Variants in COL11A1 observed in about 807,000 individuals in gnomAD.
COL11A1 encodes the protein collagen type XI alpha 1 chain.
COL11A1 carries 74 observed loss-of-function variants against 265.2 expected under a neutral mutation model. That is an observed-to-expected ratio of 0.28 (90% CI 0.23 to 0.34). COL11A1 has a LOEUF of 0.34. Ranked by LOEUF, COL11A1 falls within the 10% of genes least tolerant of loss-of-function variation. The pLI, the probability that COL11A1 is intolerant of heterozygous loss-of-function variation, is 1.00. For synonymous variants in COL11A1, 816 were observed against 727.6 expected (o/e 1.12, Z -1.96); for missense variants, 2,165 against 2,263.6 (o/e 0.96, Z 0.88).
intron 2 of COL11A1, among the ~76,000 whole-genome samples, chr1:103,079,128 A>G (rs1264088251): frequency 6.6e-6 from 1 of 152,136 alleles, no homozygotes; most frequent in Non-Finnish European, 1.5e-5. Context: ...AATTTGGTTT[A>G]GGCAACAGGA....
intron 4 of COL11A1, among the ~76,000 whole-genome samples, chr1:103,044,722 T>G (rs1219628108): frequency 1.3e-5 from 2 of 152,150 alleles, no homozygotes; most frequent in Non-Finnish European, 2.9e-5. Context: ...ATATATTTAT[T>G]CATTCACTAA....
intron 30 of COL11A1, among the ~76,000 whole-genome samples, chr1:102,985,437 A>G (rs997402735): frequency 1.3e-5 from 2 of 152,110 alleles, no homozygotes; most frequent in African/African-American, 4.8e-5. Flanking sequence ...CCTAAGAAGC[A>G]TACTTATAAT....
intron 49 of COL11A1, 116 bp downstream of exon 49, chr1:102,920,195 T>C: frequency 1.0e-6 from 1 of 957,560 alleles, no homozygotes; most frequent in Non-Finnish European, 1.7e-6. Flanking sequence ...ATGTGAATCA[T>C]ATAACTATGT....
chr1:102,954,355 A>C (rs374430724), intron 41 of COL11A1, among the ~76,000 whole-genome samples: 93 of 150,534 alleles, frequency 6.2e-4, no homozygotes, highest in African/African-American at 2.3e-3. Flanking sequence ...ATGTTTTATC[A>C]GTTATTTTCA....
intron 7 of COL11A1, 68 bp from the exon 8 acceptor site, chr1:103,023,064 T>A: frequency 6.5e-7 from 1 of 1,536,680 alleles, no homozygotes; most frequent in Non-Finnish European, 8.9e-7. Context: ...GGTAAGCATT[T>A]AAATTACAAT....
intron 4 of COL11A1, among the ~76,000 whole-genome samples, chr1:103,038,713 T>C (rs764994621): frequency 2.0e-5 from 3 of 152,136 alleles, no homozygotes; most frequent in Non-Finnish European, 4.4e-5. Context: ...AAAATCACTT[T>C]GACAGCAAAA....
intron 4 of COL11A1, among the ~76,000 whole-genome samples, chr1:103,058,355 A>T (rs968538760): frequency 6.6e-6 from 1 of 152,086 alleles, no homozygotes; most frequent in Non-Finnish European, 1.5e-5. Context: ...CTATTAGACT[A>T]CTCAAACTTT....
chr1:103,018,717 A>T, intron 10 of COL11A1, 101 bp downstream of exon 10: 1 of 944,992 alleles, frequency 1.1e-6, no homozygotes, highest in Admixed American at 2.1e-5. Flanking sequence ...TCTATAATTC[A>T]ATATTCTAAT....
rs1249670089 is a variant in COL11A1, at chr1:103,004,677, A to C, written c.1846-16T>G. The C allele has an allele frequency of 3.7e-6, 6 of 1,602,028 alleles. No homozygotes were observed. The highest frequency in any genetic ancestry group is 5.1e-6 in the Non-Finnish European group (6 of 1,171,846). Reference sequence around the variant, plus strand: ...CTCGTTCACCCTGTTAAATCAATACAAATAAGATTAGCATATGGAAAGAAG... The same window carrying C: ...CTCGTTCACCCTGTTAAATCAATACCAATAAGATTAGCATATGGAAAGAAG... On this transcript the variant is annotated splice_polypyrimidine_tract_variant and intron_variant, in intron 18 of 66. Coordinates refer to ENST00000370096, the MANE Select transcript of COL11A1 (RefSeq NM_001854.4).
At position 102,998,349 on chromosome 1, in the gene COL11A1, T is replaced by TA. The variant is rs1274185001; in HGVS notation, c.2156_2157insT (p.Lys719AsnfsTer11). 1 of 1,604,130 alleles carries TA rather than the reference T, an allele frequency of 6.2e-7. No homozygotes were observed. Among genetic ancestry groups the TA allele is most frequent in the Admixed American group, 1.7e-5 (1 of 59,634 alleles). ...CACCAGGAAGTCCAGCAAGTCCTGG[T>TA]TTTCCTTGTGGTCCCTTATAGAGAA... On this transcript the variant is annotated frameshift_variant, in exon 25 of 67. Coordinates refer to ENST00000370096, the MANE Select transcript of COL11A1 (RefSeq NM_001854.4). LOFTEE classifies it high-confidence loss of function.
chr1:103,080,933 G>T (rs942956842), intron 2 of COL11A1, among the ~76,000 whole-genome samples: 5 of 151,732 alleles, frequency 3.3e-5, no homozygotes, highest in Non-Finnish European at 5.9e-5. Context: ...AGGGATATCT[G>T]CAGTCCAATA....
At chr1:103,106,101 T>C (rs1053702246) in intron 1 of COL11A1, among the ~76,000 whole-genome samples, 1 of 152,158 alleles carries the variant, frequency 6.6e-6, no homozygotes, top group Non-Finnish European at 1.5e-5. Flanking sequence ...GGGATGCTGT[T>C]TAAAAGTGTT....
chr1:102,887,701 G>C (rs1355656325), intron 62 of COL11A1, among the ~76,000 whole-genome samples: 2 of 152,106 alleles, frequency 1.3e-5, no homozygotes, highest in African/African-American at 4.8e-5. Context: ...ATCTCAGAAT[G>C]TAATCCCATT....
intron 4 of COL11A1, among the ~76,000 whole-genome samples, chr1:103,048,250 T>A (rs945500398): frequency 6.6e-6 from 1 of 152,132 alleles, no homozygotes; most frequent in African/African-American, 2.4e-5. Context: ...TTTTTGGTTG[T>A]TAAGCTATTG....
chr1:103,034,164 A>T (rs1187384241), intron 4 of COL11A1, among the ~76,000 whole-genome samples: 1 of 152,108 alleles, frequency 6.6e-6, no homozygotes, highest in Non-Finnish European at 1.5e-5. Flanking sequence ...ATGTTTGATT[A>T]TGATGTATCT....
chr1:102,910,173 A>T (rs959072790), intron 54 of COL11A1, among the ~76,000 whole-genome samples: 1 of 151,896 alleles, frequency 6.6e-6, no homozygotes, highest in Non-Finnish European at 1.5e-5. Flanking sequence ...TTATGTTTGC[A>T]TTAATACTCT....
chr1:103,002,692 G>A (rs1348842373), intron 22 of COL11A1, 55 bp downstream of exon 22: 4 of 1,484,356 alleles, frequency 2.7e-6, no homozygotes. Context: ...ACAAAAAATG[G>A]TTTCTTAGGG....
intron 4 of COL11A1, among the ~76,000 whole-genome samples, chr1:103,071,075 A>G (rs1408410081): frequency 6.6e-6 from 1 of 151,982 alleles, no homozygotes; most frequent in African/African-American, 2.4e-5. Context: ...TGAATTCAAA[A>G]TATTTTCTGA....
At position 102,997,106 on chromosome 1, in the gene COL11A1, C is replaced by T. The variant is rs764676570; in HGVS notation, c.2215G>A (p.Gly739Ser). The T allele has an allele frequency of 6.2e-7, 1 of 1,611,946 alleles. No homozygotes were observed. The highest frequency in any genetic ancestry group is 8.5e-7 in the Non-Finnish European group (1 of 1,178,462). ...DGPPGHPGKEGQSGEKGALGP... is the reference protein window; with the variant it reads ...DGPPGHPGKESQSGEKGALGP... The stretch of plus-strand genomic sequence containing the variant: ...AGAGCCCCCTTTTCTCCAGACTGGC[C>T]TTCTTTCCCAGGATGACCCTATATT... Residue 739 changes from glycine to serine, a missense_variant, in exon 26 of 67, where the codon GGC (glycine) becomes AGC (serine). Coordinates refer to ENST00000370096, the MANE Select transcript of COL11A1 (RefSeq NM_001854.4).
Sources: gnomAD v4.1 joint callset for allele counts (sites outside exome capture counted in the v4.1 genomes callset) on GRCh38, gnomAD v4.1.1 for gene constraint, MANE v1.5 for transcripts, NCBI Gene and HGNC (gene_info 2026-07-23, HGNC 2026-07-21) for gene names.